Variants in SYDE2 observed in about 807,000 individuals in gnomAD.
SYDE2 encodes rho GTPase-activating protein SYDE2.
Under a neutral mutation model 91.5 loss-of-function variants are expected in SYDE2, and 76 were observed. The observed-to-expected ratio is 0.83, with a 90% CI of 0.69 to 1.01. SYDE2 has a LOEUF of 1.01. SYDE2 is among the 50% of genes least tolerant of loss of function. The pLI is 0.00. For missense variants in SYDE2, 1,364 were observed against 1,367.7 expected (o/e 1.00, Z 0.04); for synonymous variants, 513 against 506.4 (o/e 1.01, Z -0.18).
At chr1:85,187,288 G>C (rs759242810) in intron 2 of SYDE2, among the ~76,000 whole-genome samples, 1,537 of 152,150 alleles carry the variant, frequency 0.01, 15 homozygotes, top group Non-Finnish European at 0.016. Context: ...CTGGCCATCA[G>C]AGAAATGCAA....
At chr1:85,196,007 G>T (rs548974192) in intron 1 of SYDE2, among the ~76,000 whole-genome samples, 1 of 152,326 alleles carries the variant, frequency 6.6e-6, no homozygotes, top group Non-Finnish European at 1.5e-5. Context: ...TCTCTATTCT[G>T]TTAACCATTG....
In SYDE2 at chr1:85,199,547, T is replaced by G. The variant is rs1167663307; in HGVS notation, c.745+705A>C. Reference sequence around the variant, plus strand: ...CAAATGACTGCTTTAAAAACAAAACTACCTGAGGAACATTTTTCTTTTGAT... The same window carrying G: ...CAAATGACTGCTTTAAAAACAAAACGACCTGAGGAACATTTTTCTTTTGAT... On this transcript the variant is annotated intron_variant, in intron 1 of 6. Transcript: ENST00000341460. Among the ~76,000 whole-genome samples, 19 of 152,204 alleles carry G rather than the reference T, an allele frequency of 1.2e-4. 1 individual carries two copies. Among genetic ancestry groups the G allele is most frequent in the Admixed American group, 1.2e-3 (19 of 15,276 alleles).
intron 2 of SYDE2, among the ~76,000 whole-genome samples, chr1:85,186,595 C>G (rs375782984): frequency 0.087 from 13,169 of 151,760 alleles, 1,430 homozygotes; most frequent in African/African-American, 0.26. Context: ...GGAGGCATCA[C>G]GCTACCTGAC....
intron 2 of SYDE2, among the ~76,000 whole-genome samples, chr1:85,183,638 T>C (rs1469158140): frequency 6.6e-6 from 1 of 152,138 alleles, no homozygotes; most frequent in Non-Finnish European, 1.5e-5. Flanking sequence ...CTATTTTAAG[T>C]ATGCCTACAG....
downstream of SYDE2, among the ~76,000 whole-genome samples, chr1:85,156,384 T>TAA (rs1397481568): frequency 1.4e-5 from 2 of 140,126 alleles, no homozygotes; most frequent in Non-Finnish European, 3.1e-5. Context: ...TTGTCTCTAT[T>TAA]AAAAAAAAAA....
At chr1:85,153,188 G>A (rs1053809939), downstream of SYDE2, 2 of 152,310 alleles carry the variant, frequency 1.3e-5, no homozygotes, top group Non-Finnish European at 2.9e-5. Context: ...CAAGGGAGAA[G>A]GCCTAGGAAA....
At chr1:85,189,806 G>A (rs1014952407) in intron 2 of SYDE2, among the ~76,000 whole-genome samples, 8 of 152,288 alleles carry the variant, frequency 5.3e-5, no homozygotes, top group Non-Finnish European at 1.0e-4. Flanking sequence ...CTGCACTCTA[G>A]CCTGGGTGAC....
chr1:85,180,090 G>T (rs1242454018), intron 3 of SYDE2, among the ~76,000 whole-genome samples: 3 of 152,104 alleles, frequency 2.0e-5, no homozygotes. Context: ...CCATAAGTAT[G>T]ATCTCCATAG....
At chr1:85,155,009 C>CAAAAAAAAAAAAAAAGA (rs1656844383), downstream of SYDE2, among the ~76,000 whole-genome samples, 3 of 80,676 alleles carry the variant, frequency 3.7e-5, no homozygotes, top group Non-Finnish European at 6.9e-5. Flanking sequence ...AAGAATGCAG[C>CAAAAAAAAAAAAAAAGA]AAAAAAAAAA....
Position 85,178,216 on chromosome 1 carries a change from C to T in SYDE2, c.2601G>A (p.Glu867=), listed in dbSNP as rs932217677. 3 of 1,585,508 alleles carry T rather than the reference C, an allele frequency of 1.9e-6. No homozygotes were observed. The highest frequency in any genetic ancestry group is 2.6e-6 in the Non-Finnish European group (3 of 1,164,668). The change falls in exon 4 of 7, where the codon GAG becomes GAA. Residue 867 remains glutamate (E), a synonymous_variant. Transcript: ENST00000341460. The stretch of plus-strand genomic sequence containing the variant: ...CAGCTTTGCTATCTCTCTCAAAAGC[C>T]TCTCGCAGTTCTTTCTTGACTGCTG... ...GSAAVKKELR[E]AFERDSKAVG... is the part of the protein sequence containing the mutation.
intron 4 of SYDE2, among the ~76,000 whole-genome samples, chr1:85,177,882 T>A (rs1361211909): frequency 6.6e-6 from 1 of 152,116 alleles, no homozygotes; most frequent in African/African-American, 2.4e-5. Context: ...TATCCCTCTA[T>A]GAAGGTACCT....
At chr1:85,163,036 T>C (rs973859254) in intron 6 of SYDE2, among the ~76,000 whole-genome samples, 2 of 152,090 alleles carry the variant, frequency 1.3e-5, no homozygotes, top group South Asian at 4.1e-4. Flanking sequence ...AGTTAAAACA[T>C]GAATTAGAAT....
In SYDE2 at chr1:85,200,238, G is replaced by T. The variant is rs189791302; in HGVS notation, c.745+14C>A. On this transcript the variant is annotated intron_variant, in intron 1 of 6. Coordinates refer to ENST00000341460, the MANE Select transcript of SYDE2 (RefSeq NM_032184.2). Reference sequence around the variant, plus strand: ...GGCTCGCGGTGCTAGCATTTTCATCGCAAAGTATCCTACCTGTCAGCGTAA... The same window carrying T: ...GGCTCGCGGTGCTAGCATTTTCATCTCAAAGTATCCTACCTGTCAGCGTAA... 6.2e-7 allele frequency: 1 copy of T among 1,613,670 alleles called. No individual in the cohort carries two copies. Among genetic ancestry groups the T allele is most frequent in the Non-Finnish European group, 8.5e-7 (1 of 1,179,858 alleles).
rs775046044 is a variant in SYDE2 at position 85,200,259 on chromosome 1, CG to C, written c.737del (p.Thr246SerfsTer2). On this transcript the variant is annotated frameshift_variant, in exon 1 of 7. Transcript: ENST00000341460. LOFTEE classifies it high-confidence loss of function. ...VLSVPPDQRITLTDLFENAYG... is the reference protein window; with the variant it reads ...VLSVPPDQRIXLTDLFENAYG... ...CATCGCAAAGTATCCTACCTGTCAG[CG>C]TAATTCTTTGGTCTGGAGGCACCGA... The C allele has an allele frequency of 6.2e-7, 1 of 1,613,934 alleles. No homozygotes were observed. The highest frequency in any genetic ancestry group is 8.5e-7 in the Non-Finnish European group (1 of 1,179,900).
chr1:85,195,279 T>A (rs965156566), intron 1 of SYDE2, among the ~76,000 whole-genome samples: 2 of 152,176 alleles, frequency 1.3e-5, no homozygotes, highest in African/African-American at 4.8e-5. Context: ...TAAAAGTATC[T>A]TATGAACACT....
In SYDE2 at chr1:85,182,334, A is replaced by G. The variant is rs1389653729; in HGVS notation, c.2308T>C (p.Phe770Leu). The change falls in exon 3 of 7, where the codon TTT (phenylalanine) becomes CTT (leucine). Residue 770 changes from phenylalanine (F) to leucine (L), a missense_variant. Coordinates refer to ENST00000341460, the MANE Select transcript of SYDE2 (RefSeq NM_032184.2). ...CHGTVVLPTLFRVTKTHQLAV... is the reference protein window; with the variant it reads ...CHGTVVLPTLLRVTKTHQLAV... ...AACTGATGAGTCTTTGTCACTCTAA[A>G]TAAGGTGGGAAGAACAACAGTTCCA... 1 of 1,613,896 alleles carries G rather than the reference A, an allele frequency of 6.2e-7. No individual in the cohort carries two copies. Among genetic ancestry groups the G allele is most frequent in the Admixed American group, 1.7e-5 (1 of 60,016 alleles).
At position 85,159,039 on chromosome 1, in the gene SYDE2, T is replaced by C. The variant is rs1176834678; in HGVS notation, c.3296A>G (p.Tyr1099Cys). The C allele has an allele frequency of 1.3e-6, 1 of 780,840 alleles. No individual in the cohort carries two copies. Among genetic ancestry groups the C allele is most frequent in the Non-Finnish European group, 2.4e-6 (1 of 417,962 alleles). The allele number at this position is 780,840 out of a possible 1,614,324, so 48.4% of individuals were successfully genotyped here. A position where few individuals can be genotyped will look rare whatever the true frequency, so the allele number is the denominator to read the frequency against. The part of the protein sequence containing the change: ...AGDWSSCGEN[Y>C]FLNTKENLND... Reference sequence around the variant, plus strand: ...TAAATTTTCTTTTGTATTTAAAAAGTAGTTTTCCCCACAGCTGCTCCAGTC... The same window carrying C: ...TAAATTTTCTTTTGTATTTAAAAAGCAGTTTTCCCCACAGCTGCTCCAGTC... The change falls in exon 7 of 7, where the codon TAC (tyrosine) becomes TGC (cysteine). Residue 1099 changes from tyrosine to cysteine, a missense_variant. By Grantham distance (194) the Tyr-to-Cys change is radical. Transcript: ENST00000341460.
rs1407901380 is a variant in SYDE2, at chr1:85,159,209, G to C, written c.3126C>G (p.Phe1042Leu). 1.3e-6 allele frequency: 1 copy of C among 780,236 alleles called. No homozygotes were observed. The highest frequency in any genetic ancestry group is 1.7e-5 in the African/African-American group (1 of 59,016). 48.3% of individuals were successfully genotyped at this position (780,236 alleles called of 1,614,324 possible). A position where few individuals can be genotyped will look rare whatever the true frequency, so the allele number is the denominator to read the frequency against. ...LTVKKSTDNL[F>L]PEQKSSLNYL... Reference sequence around the variant, plus strand: ...AATTCAGAGAAGACTTCTGCTCTGGGAATAAATTGTCTGTTGATTTTTTGA... The same window carrying C: ...AATTCAGAGAAGACTTCTGCTCTGGCAATAAATTGTCTGTTGATTTTTTGA... Residue 1042 changes from phenylalanine (F) to leucine (L), a missense_variant, in exon 7 of 7, where the codon TTC (phenylalanine) becomes TTG (leucine). Physicochemically the swap from Phe to Leu is conservative, Grantham distance 22. Coordinates refer to ENST00000341460, the MANE Select transcript of SYDE2 (RefSeq NM_032184.2).
At chr1:85,176,219 G>A (rs1657691556) in intron 4 of SYDE2, among the ~76,000 whole-genome samples, 1 of 136,940 alleles carries the variant, frequency 7.3e-6, no homozygotes, top group South Asian at 2.1e-4. Context: ...GTCTTTTGCT[G>A]ATTTTGTTAA....
Sources: gnomAD v4.1 joint callset for allele counts (sites outside exome capture counted in the v4.1 genomes callset) on GRCh38, gnomAD v4.1.1 for gene constraint, MANE v1.5 for transcripts, NCBI Gene and HGNC (gene_info 2026-07-23, HGNC 2026-07-21) for gene names.